SLC30A10: variants seen among roughly 807,000 people sequenced by gnomAD.
SLC30A10 encodes the protein solute carrier family 30 member 10, also known as calcium/manganese antiporter SLC30A10.
A neutral mutation model predicts 21.7 loss-of-function variants in SLC30A10; 8 were observed. The ratio of observed to expected loss-of-function variants is 0.37; its 90% CI spans 0.22 to 0.67. The LOEUF is 0.67. Ranked by LOEUF, SLC30A10 falls within the 30% of genes least tolerant of loss-of-function variation. The pLI, the probability that SLC30A10 is intolerant of heterozygous loss-of-function variation, is 0.58. For missense variants in SLC30A10, 521 were observed against 642.5 expected, an observed-to-expected ratio of 0.81 and a Z score of 2.04; for synonymous variants, 272 against 279.4, an observed-to-expected ratio of 0.97 and a Z score of 0.26.
chr1:219,951,245 G>GC (rs1660266869), intron 1 of SLC30A10, among the ~76,000 whole-genome samples: 1 of 151,434 alleles, frequency 6.6e-6, no homozygotes, highest in South Asian at 2.1e-4. Flanking sequence ...ACAGGTGTGA[G>GC]CCACCGCCCC....
intron 1 of SLC30A10, among the ~76,000 whole-genome samples, chr1:219,949,771 TA>T (rs1400582955): frequency 3.3e-5 from 5 of 150,668 alleles, no homozygotes; most frequent in East Asian, 1.9e-4. Flanking sequence ...TAAAATAAAA[TA>T]AAAATAAAAA....
In SLC30A10 at chr1:219,915,729, T is replaced by G. The variant is rs768757012; in HGVS notation, c.1178A>C (p.Gln393Pro). 1.2e-6 allele frequency: 2 copies of G among 1,614,240 alleles called. No homozygotes were observed. The highest frequency in any genetic ancestry group is 3.3e-5 in the Admixed American group (2 of 60,030). The part of the protein sequence containing the change: ...ENVDLKEPLE[Q>P]KDLLLLCNSP... ...GTTGCAGAGCAACAGTAAGTCCTTC[T>G]GCTCCAGGGGTTCCTTCAAGTCCAC... Residue 393 changes from glutamine to proline, a missense_variant, in exon 4 of 4, where the codon CAG becomes CCG. By Grantham distance (76) the Gln-to-Pro change is moderately conservative. Coordinates refer to ENST00000366926, the MANE Select transcript of SLC30A10 (RefSeq NM_018713.3).
chr1:219,918,870 G>A lies in SLC30A10; in HGVS notation c.719-376C>T, dbSNP rs1284701039. On this transcript the variant is annotated intron_variant, in intron 2 of 3. Transcript: ENST00000366926. The surrounding 1 kb of genome is among the most constrained non-coding windows in gnomAD (Gnocchi z 4.4). ...TTTCAGACAATCATCTGTGCTTTAC[G>A]TTGTTTTAAACATGTTTAAGGGGAG... The A allele has an allele frequency of 3.4e-5, 6 of 177,824 alleles. No individual in the cohort carries two copies. In the South Asian group the frequency reaches 7.5e-4, roughly 22 times the overall value. 11.0% of individuals were successfully genotyped at this position (177,824 alleles called of 1,614,324 possible). A position where few individuals can be genotyped will look rare whatever the true frequency, so the allele number is the denominator to read the frequency against.
chr1:219,926,924 C>A, intron 2 of SLC30A10, 104 bp downstream of exon 2: 1 of 887,142 alleles, frequency 1.1e-6, no homozygotes, highest in Non-Finnish European at 1.8e-6. Flanking sequence ...AACTGGCCTA[C>A]TTTCAAACAC....
intron 1 of SLC30A10, among the ~76,000 whole-genome samples, chr1:219,944,957 T>C (rs1660168714): frequency 6.6e-6 from 1 of 152,036 alleles, no homozygotes; most frequent in South Asian, 2.1e-4. Flanking sequence ...AAAACACATA[T>C]CTAACTATAT....
upstream of SLC30A10, among the ~76,000 whole-genome samples, chr1:219,930,957 G>A (rs1472045288): frequency 6.6e-6 from 1 of 152,194 alleles, no homozygotes. Flanking sequence ...TTGAACAACA[G>A]ATGAGACACT....
At chr1:219,919,920 T>A (rs1659639435) in intron 2 of SLC30A10, among the ~76,000 whole-genome samples, 1 of 152,138 alleles carries the variant, frequency 6.6e-6, no homozygotes, top group Non-Finnish European at 1.5e-5. Flanking sequence ...GAATTAATAA[T>A]AATCCAAATT....
chr1:219,929,289 G>A (rs1659928329), upstream of SLC30A10, among the ~76,000 whole-genome samples: 1 of 152,284 alleles, frequency 6.6e-6, no homozygotes, highest in East Asian at 1.9e-4. Flanking sequence ...GCCCTCAGGA[G>A]AGCAGACCCC....
Position 219,915,670 on chromosome 1 carries a change from G to C in SLC30A10, c.1237C>G (p.Leu413Val). The C allele has an allele frequency of 6.2e-7, 1 of 1,614,258 alleles. No individual in the cohort carries two copies. Among genetic ancestry groups the C allele is most frequent in the Non-Finnish European group, 8.5e-7 (1 of 1,180,050 alleles). The change falls in exon 4 of 4, where the codon CTG (leucine) becomes GTG (valine). Residue 413 changes from leucine (L) to valine (V), a missense_variant. Physicochemically the swap from Leu to Val is conservative, Grantham distance 32. Transcript: ENST00000366926. ...PCISKGCAKQ[L>V]CCPPGALPLA... Reference sequence around the variant, plus strand: ...GGCAGTGCCCCGGGGGGACAACACAGCTGCTTAGCACAGCCCTTGGAGATG... The same window carrying C: ...GGCAGTGCCCCGGGGGGACAACACACCTGCTTAGCACAGCCCTTGGAGATG...
In SLC30A10 at chr1:219,910,571, T is replaced by A. The variant is rs187435045; in HGVS notation, c.*4878A>T. Among the ~76,000 whole-genome samples, 8 of 152,210 alleles carry A rather than the reference T, an allele frequency of 5.3e-5. No homozygotes were observed. Among genetic ancestry groups the A allele is most frequent in the Non-Finnish European group, 2.9e-5 (2 of 68,036 alleles). On this transcript the variant is annotated 3_prime_UTR_variant, in exon 4 of 4. Transcript: ENST00000366926. Reference sequence around the variant, plus strand: ...TTATTTAAACTTTATGTCTTAGAGTTTTGACAGTTCTCTCAAATGTGAGGA... The same window carrying A: ...TTATTTAAACTTTATGTCTTAGAGTATTGACAGTTCTCTCAAATGTGAGGA...
intron 1 of SLC30A10, among the ~76,000 whole-genome samples, chr1:219,955,386 C>T (rs908262820): frequency 1.2e-4 from 19 of 152,152 alleles, no homozygotes; most frequent in Non-Finnish European, 2.5e-4. Flanking sequence ...GGGTGACCTC[C>T]CACCGGCTAG....
chr1:219,945,949 T>A (rs1370876926), intron 1 of SLC30A10, among the ~76,000 whole-genome samples: 1 of 152,216 alleles, frequency 6.6e-6, no homozygotes, highest in Non-Finnish European at 1.5e-5. Flanking sequence ...CCACCAGGCA[T>A]GAAACTATAC....
In SLC30A10 at chr1:219,915,591, G is replaced by A; in HGVS notation, c.1316C>T (p.Thr439Ile). The A allele has an allele frequency of 6.2e-7, 1 of 1,614,236 alleles. No individual in the cohort carries two copies. Among genetic ancestry groups the A allele is most frequent in the Non-Finnish European group, 8.5e-7 (1 of 1,180,042 alleles). The change falls in exon 4 of 4, where the codon ACA becomes ATA. Residue 439 changes from threonine to isoleucine, a missense_variant. By Grantham distance (89) the Thr-to-Ile change is moderately conservative. Coordinates refer to ENST00000366926, the MANE Select transcript of SLC30A10 (RefSeq NM_018713.3). ...TCTACTGAGGCCATCACTTCCGTAT[G>A]TGTCTAGAGAGGGCCCACCATTGTG... ...AEHNGGPSLD[T>I]YGSDGLSRRD...
At chr1:219,924,143 A>C (rs1339994368) in intron 2 of SLC30A10, among the ~76,000 whole-genome samples, 1 of 152,224 alleles carries the variant, frequency 6.6e-6, no homozygotes, top group African/African-American at 2.4e-5. Flanking sequence ...AAGTGAAGAA[A>C]TTGTTTTTGT....
At chr1:219,926,009 GA>G (rs1659817064) in intron 2 of SLC30A10, among the ~76,000 whole-genome samples, 1 of 151,936 alleles carries the variant, frequency 6.6e-6, no homozygotes, top group Admixed American at 6.6e-5. Flanking sequence ...GATAAAGGAT[GA>G]TTTTTTTTTC....
intron 1 of SLC30A10, among the ~76,000 whole-genome samples, chr1:219,941,822 C>T (rs919265093): frequency 9.2e-5 from 14 of 152,240 alleles, no homozygotes; most frequent in Non-Finnish European, 1.2e-4. Context: ...ACTCTGCAAG[C>T]AAGCAAGAAT....
At chr1:219,935,912 T>C (rs922885080) in intron 1 of SLC30A10, among the ~76,000 whole-genome samples, 2 of 151,992 alleles carry the variant, frequency 1.3e-5, no homozygotes, top group African/African-American at 4.8e-5. Context: ...ATTAATACTA[T>C]GTTACAAATA....
At chr1:219,937,329 A>G (rs1193824754) in intron 1 of SLC30A10, among the ~76,000 whole-genome samples, 1 of 152,198 alleles carries the variant, frequency 6.6e-6, no homozygotes, top group African/African-American at 2.4e-5. Context: ...ATTATTCCAT[A>G]TCAATTTTCC....
At chr1:219,927,274 T>C in intron 1 of SLC30A10, 169 bp from the exon 2 acceptor site, 1 of 654,140 alleles carries the variant, frequency 1.5e-6, no homozygotes, top group Admixed American at 2.7e-5. Flanking sequence ...GAAATAGCCT[T>C]GTGATCCACC....
Sources: gnomAD v4.1 joint callset for allele counts (sites outside exome capture counted in the v4.1 genomes callset) on GRCh38, gnomAD v4.1.1 for gene constraint, Gnocchi (gnomAD v3.1) non-coding constraint, MANE v1.5 for transcripts, NCBI Gene and HGNC (gene_info 2026-07-23, HGNC 2026-07-21) for gene names.